Variants in GAS7 observed in about 807,000 individuals in gnomAD.
GAS7 encodes the protein growth arrest-specific protein 7.
GAS7 carries 28 observed loss-of-function variants against 71.1 expected under a neutral mutation model. The observed-to-expected ratio is 0.39, with a 90% CI of 0.29 to 0.54. The LOEUF (loss-of-function observed/expected upper bound fraction) is 0.54, where lower values mean the gene tolerates loss of function less well. Among genes scored for constraint, GAS7 ranks in the 20% least tolerant of loss-of-function variants. GAS7 has a pLI of 0.62. For missense variants in GAS7, 436 were observed against 627.8 expected (o/e 0.69, Z 3.27); for synonymous variants, 258 against 245.8 (o/e 1.05, Z -0.46).
chr17:9,966,293 C>CG (rs149486450), intron 4 of GAS7, among the ~76,000 whole-genome samples: 12,608 of 151,834 alleles, frequency 0.083, 1,338 homozygotes, highest in African/African-American at 0.23. Context: ...CCACCACGAC[C>CG]GCCCCCTCCC....
intron 1 of GAS7, among the ~76,000 whole-genome samples, chr17:10,178,185 G>T (rs943815966): frequency 6.6e-6 from 1 of 152,144 alleles, no homozygotes; most frequent in African/African-American, 2.4e-5. Context: ...GGGAGATGGG[G>T]GATTCCAGGC....
intron 1 of GAS7, among the ~76,000 whole-genome samples, chr17:10,031,011 C>T (rs1011427592): frequency 2.6e-5 from 4 of 152,230 alleles, no homozygotes; most frequent in Non-Finnish European, 5.9e-5. Context: ...CCTCTGTCCA[C>T]GAAGTGGCAA....
At chr17:9,997,574 G>A (rs2071097350) in intron 2 of GAS7, among the ~76,000 whole-genome samples, 1 of 152,170 alleles carries the variant, frequency 6.6e-6, no homozygotes, top group African/African-American at 2.4e-5. Flanking sequence ...GCGGACACAA[G>A]CAGAGTGTCC....
intron 1 of GAS7, among the ~76,000 whole-genome samples, chr17:10,167,852 C>T (rs2074307418): frequency 3.3e-5 from 5 of 152,094 alleles, no homozygotes; most frequent in Admixed American, 3.3e-4. Context: ...GCATGCACCA[C>T]CATGCCTGGC....
intron 1 of GAS7, among the ~76,000 whole-genome samples, chr17:10,168,790 G>A (rs1400914481): frequency 6.6e-6 from 1 of 151,898 alleles, no homozygotes; most frequent in African/African-American, 2.4e-5. Flanking sequence ...GGCCAACATG[G>A]TGAAACACCA....
At chr17:10,183,001 A>G (rs1348300937) in intron 1 of GAS7, among the ~76,000 whole-genome samples, 1 of 152,174 alleles carries the variant, frequency 6.6e-6, no homozygotes, top group Non-Finnish European at 1.5e-5. Context: ...GTAAGAAGCC[A>G]TTAAGACTAA....
chr17:10,110,840 T>C (rs1237598344), intron 1 of GAS7, among the ~76,000 whole-genome samples: 2 of 152,166 alleles, frequency 1.3e-5, no homozygotes, highest in Non-Finnish European at 2.9e-5. Flanking sequence ...ATATCACACA[T>C]TTTGAAACAG....
chr17:10,057,390 G>A (rs1428681209), intron 1 of GAS7, among the ~76,000 whole-genome samples: 1 of 151,610 alleles, frequency 6.6e-6, no homozygotes, highest in Non-Finnish European at 1.5e-5. Context: ...GATGTGGGGA[G>A]CGCCTCTGCC....
intron 5 of GAS7, among the ~76,000 whole-genome samples, chr17:9,955,753 C>T (rs1002684542): frequency 1.4e-4 from 21 of 152,202 alleles, no homozygotes; most frequent in Admixed American, 1.2e-3. Context: ...CACGCCTCCC[C>T]GTGTGTACTG....
chr17:10,178,886 G>A (rs2074393753), intron 1 of GAS7, among the ~76,000 whole-genome samples: 1 of 151,814 alleles, frequency 6.6e-6, no homozygotes. Flanking sequence ...GAAAAAAGGT[G>A]AGCAGAGAGA....
intron 2 of GAS7, among the ~76,000 whole-genome samples, chr17:10,009,379 T>C (rs891490039): frequency 6.6e-6 from 1 of 150,988 alleles, no homozygotes; most frequent in African/African-American, 2.4e-5. Context: ...CATTAGTTCC[T>C]GGCATAATAA....
Position 10,109,339 on chromosome 17 carries a change from G to C in GAS7, c.183+88869C>G, listed in dbSNP as rs148621081. 6.5e-3 allele frequency among the ~76,000 whole-genome samples: 989 copies of C among 152,164 alleles called. 14 individuals carry two copies. Among genetic ancestry groups the C allele is most frequent in the African/African-American group, 0.022 (898 of 41,516 alleles). ...GGTATGCCTGGCTTATTTAACTTAA[G>C]GTAACATAATAACCTCCAGTTCCAT... On this transcript the variant is annotated intron_variant, in intron 1 of 13. Coordinates refer to ENST00000432992, the MANE Select transcript of GAS7 (RefSeq NM_201433.2).
chr17:10,115,835 C>T, intron 1 of GAS7, among the ~76,000 whole-genome samples: 1 of 152,172 alleles, frequency 6.6e-6, no homozygotes, highest in East Asian at 1.9e-4. Context: ...TTCCAAAGCT[C>T]CAATATCCAG....
intron 1 of GAS7, among the ~76,000 whole-genome samples, chr17:10,186,402 C>CTTT (rs71139025): frequency 0.048 from 6,105 of 127,974 alleles, 273 homozygotes; most frequent in East Asian, 0.15. Flanking sequence ...TATTCAAAGG[C>CTTT]TTTTTTTTTT....
chr17:9,936,324 C>T (rs1026740994), intron 8 of GAS7, among the ~76,000 whole-genome samples: 15 of 152,314 alleles, frequency 9.8e-5, no homozygotes, highest in African/African-American at 2.6e-4. Flanking sequence ...AGGCCCCAGG[C>T]GGTGCCCAGA....
chr17:10,083,792 A>C (rs769263972), intron 1 of GAS7, among the ~76,000 whole-genome samples: 2 of 152,240 alleles, frequency 1.3e-5, no homozygotes, highest in Non-Finnish European at 2.9e-5. Context: ...TGAGTATGCA[A>C]AAAAGGTTAA....
At chr17:10,090,648 G>A (rs2073572798) in intron 1 of GAS7, among the ~76,000 whole-genome samples, 1 of 152,112 alleles carries the variant, frequency 6.6e-6, no homozygotes, top group South Asian at 2.1e-4. Flanking sequence ...TTGTGGTGTT[G>A]CAAAAAAACA....
chr17:10,097,872 C>A (rs1242318015), intron 1 of GAS7, among the ~76,000 whole-genome samples: 1 of 151,938 alleles, frequency 6.6e-6, no homozygotes. Context: ...AGCGAAACCC[C>A]GTCTCTACTA....
intron 3 of GAS7, among the ~76,000 whole-genome samples, chr17:9,972,891 C>T (rs551355588): frequency 6.6e-6 from 1 of 152,184 alleles, no homozygotes; most frequent in East Asian, 1.9e-4. Flanking sequence ...AAGAATATAT[C>T]AAAACAAATG....
Sources: allele counts gnomAD v4.1 joint callset (sites outside exome capture counted in the v4.1 genomes callset), GRCh38; gene constraint gnomAD v4.1.1; transcripts MANE v1.5; gene names NCBI Gene and HGNC (gene_info 2026-07-23, HGNC 2026-07-21).